Variants in STAU2 observed in about 807,000 individuals in gnomAD.
The protein encoded by STAU2 is staufen double-stranded RNA binding protein 2.
Under a neutral mutation model 65.9 loss-of-function variants are expected in STAU2, and 20 were observed. That is an observed-to-expected ratio of 0.30 (90% confidence interval 0.21 to 0.44). STAU2 has a LOEUF of 0.44. Ranked by LOEUF, STAU2 falls within the 20% of genes least tolerant of loss-of-function variation. The pLI, the probability that STAU2 is intolerant of heterozygous loss-of-function variation, is 1.00. For synonymous variants in STAU2, 232 were observed against 233.9 expected (o/e 0.99, Z 0.07); for missense variants, 558 against 683.9 (o/e 0.82, Z 2.05).
intron 6 of STAU2, among the ~76,000 whole-genome samples, chr8:73,646,821 A>G (rs1410207172): frequency 1.3e-5 from 2 of 152,072 alleles, no homozygotes; most frequent in Non-Finnish European, 2.9e-5. Context: ...CCACATATCT[A>G]ACAAAGGATT....
chr8:73,577,818 TA>T (rs1229681986), intron 12 of STAU2, among the ~76,000 whole-genome samples: 1 of 152,226 alleles, frequency 6.6e-6, no homozygotes, highest in African/African-American at 2.4e-5. Context: ...TCCTGATTGC[TA>T]AACATTTTTT....
At chr8:73,650,544 A>C (rs1470882948) in intron 6 of STAU2, among the ~76,000 whole-genome samples, 1 of 152,132 alleles carries the variant, frequency 6.6e-6, no homozygotes, top group African/African-American at 2.4e-5. Flanking sequence ...AAACCAAAGA[A>C]AGTTCTCTTT....
chr8:73,625,262 G>T (rs1460667483), intron 6 of STAU2, among the ~76,000 whole-genome samples: 1 of 152,116 alleles, frequency 6.6e-6, no homozygotes, highest in Non-Finnish European at 1.5e-5. Flanking sequence ...AAACTCGTAG[G>T]TAAATGTTTA....
At chr8:73,551,626 G>A (rs1807341270) in intron 13 of STAU2, 1 of 992,822 alleles carries the variant, frequency 1.0e-6, no homozygotes, top group African/African-American at 1.7e-5. Flanking sequence ...CAATCCTTAT[G>A]TAAAAAAAGG....
At chr8:73,635,913 C>CAT (rs1397543548) in intron 6 of STAU2, among the ~76,000 whole-genome samples, 1 of 77,114 alleles carries the variant, frequency 1.3e-5, no homozygotes, top group Non-Finnish European at 2.7e-5. Flanking sequence ...CTGAACCACA[C>CAT]ACACACACAC....
At position 73,501,345 on chromosome 8, in the gene STAU2, T is replaced by C. The variant is rs138325067; in HGVS notation, c.1530+50667A>G. On this transcript the variant is annotated intron_variant, in intron 13 of 14. Coordinates refer to ENST00000524300, the MANE Select transcript of STAU2 (RefSeq NM_001164380.2). ...GCTTTTAGATGGAAATACATCTCTA[T>C]ACAAAGAAAACAGATATTAATAGCA... 4.1e-3 allele frequency among the ~76,000 whole-genome samples: 623 copies of C among 152,066 alleles called. 4 individuals carry two copies. The highest frequency in any genetic ancestry group is 0.014 in the African/African-American group (581 of 41,540).
rs569192889 is a variant in STAU2, at chr8:73,422,528, G to A, written c.1619+86C>T. On this transcript the variant is annotated intron_variant, in intron 14 of 14. Transcript: ENST00000524300. Reference sequence around the variant, plus strand: ...TGTGTAAGATGTAGATACTATTGTCGACTTTTTAAAACATTATTATCTATG... The same window carrying A: ...TGTGTAAGATGTAGATACTATTGTCAACTTTTTAAAACATTATTATCTATG... 232 of 1,071,324 alleles carry A rather than the reference G, an allele frequency of 2.2e-4. 1 individual carries two copies. The South Asian group carries it at 3.4e-3, about 16-fold the overall frequency. The allele number at this position is 1,071,324 out of a possible 1,614,324, so 66.4% of individuals were successfully genotyped here.
chr8:73,746,964 CTG>C, upstream of STAU2: 1 of 765,192 alleles, frequency 1.3e-6, no homozygotes, highest in Non-Finnish European at 1.6e-6. Flanking sequence ...GCGCCCCCGC[CTG>C]CGCAGCCGCT....
intron 5 of STAU2, among the ~76,000 whole-genome samples, chr8:73,687,409 AAAT>A (rs1818994069): frequency 8.6e-6 from 1 of 116,120 alleles, no homozygotes; most frequent in Non-Finnish European, 1.8e-5. Context: ...ATTTATATTT[AAAT>A]TAATTTAAAT....
intron 11 of STAU2, among the ~76,000 whole-genome samples, chr8:73,583,741 C>G (rs1009748142): frequency 1.3e-5 from 2 of 152,128 alleles, no homozygotes; most frequent in African/African-American, 4.8e-5. Context: ...TTTAAGCAAA[C>G]TAAGTCCTAA....
intron 13 of STAU2, among the ~76,000 whole-genome samples, 196 bp from the exon 14 acceptor site, chr8:73,422,898 T>G (rs1816491797): frequency 6.6e-6 from 1 of 152,222 alleles, no homozygotes; most frequent in Non-Finnish European, 1.5e-5. Context: ...TAGAAGGGCT[T>G]TAAGTCTCCT....
chr8:73,582,347 T>C, intron 12 of STAU2, among the ~76,000 whole-genome samples: 1 of 151,600 alleles, frequency 6.6e-6, no homozygotes, highest in East Asian at 1.9e-4. Context: ...TATAAAAATT[T>C]GTGTGCATAA....
At chr8:73,627,289 T>C (rs974734890) in intron 6 of STAU2, among the ~76,000 whole-genome samples, 1 of 128,558 alleles carries the variant, frequency 7.8e-6, no homozygotes, top group African/African-American at 2.9e-5. Context: ...TAGAAAACAC[T>C]GGAGTCTTCC....
chr8:73,459,783 T>G (rs1819251942), intron 13 of STAU2, among the ~76,000 whole-genome samples: 1 of 152,240 alleles, frequency 6.6e-6, no homozygotes, highest in African/African-American at 2.4e-5. Flanking sequence ...TGCTGCTGAA[T>G]ATATGCATTC....
intron 12 of STAU2, among the ~76,000 whole-genome samples, chr8:73,568,210 T>C (rs886468577): frequency 2.0e-5 from 3 of 152,214 alleles, no homozygotes; most frequent in Non-Finnish European, 4.4e-5. Context: ...TTGTACTCCA[T>C]GTAGTACGTG....
rs558391300 is a variant in STAU2, at chr8:73,644,761, A to C, written c.411-27310T>G. Among the ~76,000 whole-genome samples, 4 of 152,324 alleles carry C rather than the reference A, an allele frequency of 2.6e-5. No individual in the cohort carries two copies. In the East Asian group the frequency reaches 7.7e-4, roughly 29 times the overall value. ...CAATATCAGAAAAGAATCAGGGATT[A>C]TCACTAGAGATCCTGTAGACATCAA... is the stretch of plus-strand genomic sequence containing the variant. On this transcript the variant is annotated intron_variant, in intron 6 of 14. Coordinates refer to ENST00000524300, the MANE Select transcript of STAU2 (RefSeq NM_001164380.2).
intron 13 of STAU2, among the ~76,000 whole-genome samples, chr8:73,540,027 G>T (rs1307953372): frequency 6.6e-6 from 1 of 152,016 alleles, no homozygotes; most frequent in Non-Finnish European, 1.5e-5. Flanking sequence ...TCCCAAATTT[G>T]ATTAAAATAA....
At chr8:73,496,012 C>A (rs1414312721) in intron 13 of STAU2, among the ~76,000 whole-genome samples, 1 of 151,470 alleles carries the variant, frequency 6.6e-6, no homozygotes, top group Non-Finnish European at 1.5e-5. Flanking sequence ...TTCTAAAAAT[C>A]AAAATCAGAT....
intron 12 of STAU2, among the ~76,000 whole-genome samples, chr8:73,576,699 T>TA (rs1331986138): frequency 6.6e-6 from 1 of 152,184 alleles, no homozygotes; most frequent in East Asian, 1.9e-4. Context: ...TATTTTTCTT[T>TA]AAAAATAATA....
Sources: allele counts gnomAD v4.1 joint callset (sites outside exome capture counted in the v4.1 genomes callset), GRCh38; gene constraint gnomAD v4.1.1; transcripts MANE v1.5; gene names NCBI Gene and HGNC (gene_info 2026-07-23, HGNC 2026-07-21).